Variants in PDE3A observed in about 807,000 individuals in gnomAD.
PDE3A encodes phosphodiesterase 3A, also known as cGMP-inhibited 3',5'-cyclic phosphodiesterase 3A.
PDE3A carries 43 observed loss-of-function variants against 98.3 expected under a neutral mutation model. The observed-to-expected ratio is 0.44, with a 90% CI of 0.34 to 0.56. PDE3A has a LOEUF of 0.56. Among genes scored for constraint, PDE3A ranks in the 20% least tolerant of loss-of-function variants. The probability of loss-of-function intolerance (pLI) is 0.01; values close to 1 mark genes in which losing one functional copy is unlikely to be tolerated. For synonymous variants in PDE3A, 663 were observed against 567.9 expected (o/e 1.17, Z -2.38); for missense variants, 1,427 against 1,440.7 (o/e 0.99, Z 0.15).
intron 8 of PDE3A, among the ~76,000 whole-genome samples, chr12:20,636,490 C>T (rs1267507916): frequency 6.6e-6 from 1 of 152,078 alleles, no homozygotes; most frequent in Non-Finnish European, 1.5e-5. Context: ...AAAACCTTTA[C>T]TTTTACGTAG....
intron 3 of PDE3A, among the ~76,000 whole-genome samples, chr12:20,614,328 T>G (rs1423464825): frequency 6.6e-6 from 1 of 152,182 alleles, no homozygotes; most frequent in African/African-American, 2.4e-5. Flanking sequence ...AGGAGGATCC[T>G]CACCCAGTTT....
intron 1 of PDE3A, among the ~76,000 whole-genome samples, chr12:20,424,430 T>A (rs1375362212): frequency 6.6e-6 from 1 of 152,136 alleles, no homozygotes; most frequent in Non-Finnish European, 1.5e-5. Flanking sequence ...TACAAATAGA[T>A]GTAAGGGAGC....
At position 20,634,885 on chromosome 12, in the gene PDE3A, T is replaced by A. The variant is rs1322783301; in HGVS notation, c.1847-17T>A. On this transcript the variant is annotated splice_polypyrimidine_tract_variant and intron_variant, in intron 7 of 15. Coordinates refer to ENST00000359062, the MANE Select transcript of PDE3A (RefSeq NM_000921.5). ...CCATTGTAGATCTTGTAATAAGTTG[T>A]TCTCTTTTAATTGTAGATGACACTG... 1.9e-6 allele frequency: 3 copies of A among 1,596,776 alleles called. No individual in the cohort carries two copies. Among genetic ancestry groups the A allele is most frequent in the Admixed American group, 1.7e-5 (1 of 59,552 alleles).
rs1945803371 is a variant in PDE3A, at chr12:20,682,118, A to C, written c.*1847A>C. On this transcript the variant is annotated 3_prime_UTR_variant, in exon 16 of 16. Coordinates refer to ENST00000359062, the MANE Select transcript of PDE3A (RefSeq NM_000921.5). ...AGGATGCTGCAAAGCATGTTTTTTCACTAGTAACTTTTGCTAACTGAATGA... is the reference window on the plus strand; with the variant it reads ...AGGATGCTGCAAAGCATGTTTTTTCCCTAGTAACTTTTGCTAACTGAATGA... The C allele has an allele frequency of 6.6e-6, 1 of 152,164 alleles. No homozygotes were observed. The highest frequency in any genetic ancestry group is 2.4e-5 in the African/African-American group (1 of 41,452). The allele number at this position is 152,164 out of a possible 1,614,324, so 9.4% of individuals were successfully genotyped here. A position where few individuals can be genotyped will look rare whatever the true frequency, so the allele number is the denominator to read the frequency against.
rs183845948 is a variant in PDE3A, at chr12:20,508,939, G to T, written c.961-47721G>T. Among the ~76,000 whole-genome samples the T allele has an allele frequency of 2.0e-5, 3 of 151,930 alleles. No homozygotes were observed. The East Asian group carries it at 5.8e-4, about 29-fold the overall frequency. ...GGAGATGCCATTCTTACAGGTTAAG[G>T]AATTATATCTTTAAATGAGCAAAAT... is the stretch of plus-strand genomic sequence containing the variant. On this transcript the variant is annotated intron_variant, in intron 1 of 15. Coordinates refer to ENST00000359062, the MANE Select transcript of PDE3A (RefSeq NM_000921.5).
chr12:20,391,942 A>G (rs549760708), intron 1 of PDE3A, among the ~76,000 whole-genome samples: 15 of 152,060 alleles, frequency 9.9e-5, no homozygotes, highest in African/African-American at 3.6e-4. Context: ...CTAAGCATCA[A>G]CCCTCAACCT....
At chr12:20,412,711 C>T (rs547671436) in intron 1 of PDE3A, among the ~76,000 whole-genome samples, 5 of 152,208 alleles carry the variant, frequency 3.3e-5, no homozygotes, top group Admixed American at 2.0e-4. Context: ...TGAACTACTC[C>T]GTTTTCCTTA....
intron 5 of PDE3A, among the ~76,000 whole-genome samples, chr12:20,625,918 G>T (rs1245887281): frequency 6.6e-6 from 1 of 152,058 alleles, no homozygotes; most frequent in Non-Finnish European, 1.5e-5. Context: ...TATTTCATGA[G>T]CTATGTCTTC....
intron 15 of PDE3A, among the ~76,000 whole-genome samples, chr12:20,657,745 C>T (rs1277538704): frequency 8.5e-5 from 13 of 152,188 alleles, no homozygotes; most frequent in Non-Finnish European, 5.9e-5. Flanking sequence ...TCTTCTACGT[C>T]ACCTTCTTAT....
intron 3 of PDE3A, among the ~76,000 whole-genome samples, chr12:20,615,448 G>T (rs1281603039): frequency 6.6e-6 from 1 of 152,096 alleles, no homozygotes; most frequent in Non-Finnish European, 1.5e-5. Context: ...TGCATTTTAT[G>T]AAAGACTTGA....
chr12:20,504,397 A>C (rs1325140496), intron 1 of PDE3A, among the ~76,000 whole-genome samples: 1 of 152,130 alleles, frequency 6.6e-6, no homozygotes, highest in Non-Finnish European at 1.5e-5. Context: ...AAATATCTCT[A>C]CATCTATTAA....
chr12:20,643,837 A>T (rs1023406108), intron 10 of PDE3A, among the ~76,000 whole-genome samples: 28 of 152,076 alleles, frequency 1.8e-4, no homozygotes, highest in Non-Finnish European at 2.8e-4. Flanking sequence ...TTGTTTTTTT[A>T]AAATAAAACA....
intron 1 of PDE3A, among the ~76,000 whole-genome samples, chr12:20,464,377 T>C (rs74444633): frequency 0.048 from 7,360 of 152,308 alleles, 205 homozygotes; most frequent in South Asian, 0.069. Flanking sequence ...AGGTTCACTG[T>C]CACTTAGTAA....
intron 1 of PDE3A, among the ~76,000 whole-genome samples, chr12:20,421,598 TAAA>T (rs35898103): frequency 8.7e-6 from 1 of 114,986 alleles, no homozygotes; most frequent in Non-Finnish European, 1.9e-5. Context: ...TTATTGGTAA[TAAA>T]AAAAAAAAAA....
chr12:20,669,192 G>T (rs899605337), intron 15 of PDE3A, among the ~76,000 whole-genome samples: 2 of 151,830 alleles, frequency 1.3e-5, no homozygotes, highest in African/African-American at 4.8e-5. Context: ...AGAAATATGG[G>T]ACTATGTGAA....
chr12:20,376,051 G>T (rs189635208), intron 1 of PDE3A, among the ~76,000 whole-genome samples: 4 of 151,866 alleles, frequency 2.6e-5, no homozygotes, highest in Non-Finnish European at 1.5e-5. Context: ...TTACTTTGGT[G>T]TACCTTTACA....
chr12:20,470,858 G>A (rs1229244017), intron 1 of PDE3A, among the ~76,000 whole-genome samples: 1 of 152,042 alleles, frequency 6.6e-6, no homozygotes, highest in Non-Finnish European at 1.5e-5. Context: ...GCAGTTAGGT[G>A]TAGATGAGGT....
At chr12:20,529,823 A>G (rs1946591526) in intron 1 of PDE3A, among the ~76,000 whole-genome samples, 2 of 152,202 alleles carry the variant, frequency 1.3e-5, no homozygotes, top group Admixed American at 6.5e-5. Flanking sequence ...TAGCAAACTA[A>G]TACATCATAG....
At chr12:20,670,477 A>T (rs1016929227) in intron 15 of PDE3A, among the ~76,000 whole-genome samples, 7 of 152,320 alleles carry the variant, frequency 4.6e-5, no homozygotes, top group African/African-American at 1.4e-4. Context: ...ATGTAAAAGG[A>T]CAGAAATTAT....
Sources: allele counts gnomAD v4.1 joint callset (sites outside exome capture counted in the v4.1 genomes callset), GRCh38; gene constraint gnomAD v4.1.1; transcripts MANE v1.5; gene names NCBI Gene and HGNC (gene_info 2026-07-23, HGNC 2026-07-21).